Variants in ENO4 observed in about 807,000 individuals in gnomAD.
The protein encoded by ENO4 is enolase 4.
A neutral mutation model predicts 63.2 loss-of-function variants in ENO4; 53 were observed. The ratio of observed to expected loss-of-function variants is 0.84; its 90% confidence interval spans 0.67 to 1.05. The LOEUF (loss-of-function observed/expected upper bound fraction) is 1.05, where lower values mean the gene tolerates loss of function less well. ENO4 is among the 50% of genes least tolerant of loss of function. The probability of loss-of-function intolerance (pLI) is 0.00; values close to 1 mark genes in which losing one functional copy is unlikely to be tolerated. For synonymous variants in ENO4, 266 were observed against 283.8 expected, an observed-to-expected ratio of 0.94 and a Z score of 0.63; for missense variants, 719 against 772.0, an observed-to-expected ratio of 0.93 and a Z score of 0.81.
At chr10:116,849,986 A>G (rs1334600307) in intron 1 of ENO4, 1 of 661,164 alleles carries the variant, frequency 1.5e-6, no homozygotes, top group African/African-American at 1.8e-5. Flanking sequence ...TTTGACCTGC[A>G]GCGGCAGCCC....
intron 11 of ENO4, among the ~76,000 whole-genome samples, chr10:116,876,735 G>A (rs1308187908): frequency 6.6e-6 from 1 of 152,144 alleles, no homozygotes; most frequent in East Asian, 1.9e-4. Flanking sequence ...CGGATCACGA[G>A]GTCAGGAGAT....
At position 116,872,452 on chromosome 10, in the gene ENO4, A is replaced by G. The variant is rs536587489; in HGVS notation, c.1215+1160A>G. Among the ~76,000 whole-genome samples, 3 of 152,194 alleles carry G rather than the reference A, an allele frequency of 2.0e-5. No homozygotes were observed. The East Asian group carries it at 5.8e-4, about 30-fold the overall frequency. Reference sequence around the variant, plus strand: ...TCCCATGCTATTCTCATGATAGTGAATAAGTCTCACTAGATCTGATGGTTT... The same window carrying G: ...TCCCATGCTATTCTCATGATAGTGAGTAAGTCTCACTAGATCTGATGGTTT... On this transcript the variant is annotated intron_variant, in intron 9 of 13. Transcript: ENST00000341276.
chr10:116,896,848 C>A (rs906248616), intron 10 of ENO4, among the ~76,000 whole-genome samples: 2 of 150,618 alleles, frequency 1.3e-5, no homozygotes, highest in Non-Finnish European at 2.9e-5. Context: ...CTCTGTGGCC[C>A]AGGCTGGGAG....
intron 4 of ENO4, among the ~76,000 whole-genome samples, chr10:116,859,809 T>C (rs746141755): frequency 2.6e-5 from 4 of 152,146 alleles, no homozygotes; most frequent in Admixed American, 6.5e-5. Flanking sequence ...CCAAATAATG[T>C]GGGTTCCATT....
At chr10:116,852,449 T>C (rs1047270563) in intron 1 of ENO4, among the ~76,000 whole-genome samples, 1 of 152,208 alleles carries the variant, frequency 6.6e-6, no homozygotes, top group Non-Finnish European at 1.5e-5. Context: ...GTTTTGATTC[T>C]TATCTCTGCC....
chr10:116,852,714 G>A (rs912224062), intron 1 of ENO4, among the ~76,000 whole-genome samples: 13 of 152,150 alleles, frequency 8.5e-5, no homozygotes, highest in African/African-American at 3.1e-4. Flanking sequence ...GTGAGGTTGT[G>A]TAGAGAAAGA....
chr10:116,890,471 T>C (rs886376519), intron 10 of ENO4, among the ~76,000 whole-genome samples: 3 of 152,208 alleles, frequency 2.0e-5, no homozygotes, highest in Non-Finnish European at 4.4e-5. Flanking sequence ...AGTGGAATCC[T>C]GATTTCCTGT....
chr10:116,851,256 T>C (rs994385705), intron 1 of ENO4, among the ~76,000 whole-genome samples: 1 of 152,234 alleles, frequency 6.6e-6, no homozygotes, highest in African/African-American at 2.4e-5. Context: ...GATAAGGTGA[T>C]AGATGACTGT....
At chr10:116,875,421 C>T (rs942903010) in intron 10 of ENO4, among the ~76,000 whole-genome samples, 1 of 152,124 alleles carries the variant, frequency 6.6e-6, no homozygotes, top group Non-Finnish European at 1.5e-5. Context: ...TCACAGCTCA[C>T]TGCAGCCTTG....
intron 11 of ENO4, among the ~76,000 whole-genome samples, chr10:116,878,623 T>G (rs1846902077): frequency 1.3e-5 from 2 of 152,292 alleles, no homozygotes; most frequent in Non-Finnish European, 2.9e-5. Context: ...CACTGAACAT[T>G]TAAAAAATTG....
Position 116,859,297 on chromosome 10 carries a change from T to C in ENO4, c.634+159T>C, listed in dbSNP as rs527436698. Among the ~76,000 whole-genome samples, 132 of 152,346 alleles carry C rather than the reference T, an allele frequency of 8.7e-4. 2 individuals carry two copies. The South Asian group carries it at 0.027, about 31-fold the overall frequency. On this transcript the variant is annotated intron_variant, in intron 4 of 13. Coordinates refer to ENST00000341276, the MANE Select transcript of ENO4 (RefSeq NM_001242699.2). Reference sequence around the variant, plus strand: ...ATGCCACATCCTCACTCAAAGATTTTGCCCCCATCCCACTCTCCTTTTTAT... The same window carrying C: ...ATGCCACATCCTCACTCAAAGATTTCGCCCCCATCCCACTCTCCTTTTTAT...
downstream of ENO4, chr10:116,886,526 C>G: frequency 6.2e-7 from 1 of 1,614,026 alleles, no homozygotes; most frequent in Non-Finnish European, 8.5e-7. Flanking sequence ...TGTTTTTCAC[C>G]GTCAATGTAT....
At chr10:116,897,379 A>G (rs1166740386) in intron 10 of ENO4, among the ~76,000 whole-genome samples, 1 of 152,204 alleles carries the variant, frequency 6.6e-6, no homozygotes, top group Non-Finnish European at 1.5e-5. Context: ...GAACAGCTTT[A>G]CCAAGTGAAC....
At chr10:116,860,767 T>A in intron 4 of ENO4, 27 bp from the exon 5 acceptor site, 1 of 1,394,234 alleles carries the variant, frequency 7.2e-7, no homozygotes, top group East Asian at 2.6e-5. Context: ...AGAAATACAG[T>A]CTTACTCTCA....
chr10:116,851,093 C>T (rs1437607298), intron 1 of ENO4, among the ~76,000 whole-genome samples: 1 of 152,224 alleles, frequency 6.6e-6, no homozygotes, highest in Non-Finnish European at 1.5e-5. Context: ...ACTTAGTGTA[C>T]AAGCTAGGAC....
At chr10:116,891,624 G>GC (rs1384302700) in intron 10 of ENO4, among the ~76,000 whole-genome samples, 1 of 152,038 alleles carries the variant, frequency 6.6e-6, no homozygotes, top group Non-Finnish European at 1.5e-5. Flanking sequence ...TTTTTTCCAA[G>GC]CCCTTTATAC....
At chr10:116,881,444 T>G in intron 13 of ENO4, 71 bp from the exon 14 acceptor site, 1 of 1,242,272 alleles carries the variant, frequency 8.0e-7, no homozygotes, top group Non-Finnish European at 1.1e-6. Context: ...GATGATCTCC[T>G]TCAACTTATG....
chr10:116,880,148 T>C (rs1846964120), intron 13 of ENO4, among the ~76,000 whole-genome samples, 162 bp downstream of exon 13: 2 of 152,252 alleles, frequency 1.3e-5, no homozygotes, highest in South Asian at 4.1e-4. Flanking sequence ...TGTATATTGT[T>C]GTCTTAATGG....
intron 10 of ENO4, among the ~76,000 whole-genome samples, chr10:116,907,741 T>C (rs905738949): frequency 1.3e-5 from 2 of 152,138 alleles, no homozygotes; most frequent in Non-Finnish European, 2.9e-5. Flanking sequence ...AGGAGAACCA[T>C]ACATAATCTT....
Sources: allele counts gnomAD v4.1 joint callset (sites outside exome capture counted in the v4.1 genomes callset), GRCh38; gene constraint gnomAD v4.1.1; transcripts MANE v1.5; gene names NCBI Gene and HGNC (gene_info 2026-07-23, HGNC 2026-07-21).